The following CX3CR1 variants were observed in gnomAD, a reference collection of about 807,000 sequenced individuals.
CX3CR1 encodes the protein C-X3-C motif chemokine receptor 1, also known as CX3C chemokine receptor 1.
For missense variants in CX3CR1, 363 were observed against 432.4 expected, an observed-to-expected ratio of 0.84 and a Z score of 1.42; for synonymous variants, 168 against 178.5, an observed-to-expected ratio of 0.94 and a Z score of 0.47.
the CX3CR1 span, among the ~76,000 whole-genome samples, chr3:39,290,482 G>A: frequency 0.017 from 2,585 of 152,264 alleles, 67 homozygotes; most frequent in African/African-American, 0.058. Context: ...GGAATCCCAA[G>A]TGGTACAATC....
chr3:39,281,510 G>T (rs369388605), upstream of CX3CR1: 2 of 1,051,754 alleles, frequency 1.9e-6, no homozygotes, highest in South Asian at 1.4e-5. Context: ...AATCCCCTCC[G>T]TGTTCATGAG....
rs961823891 is a variant in CX3CR1 at position 39,265,255 on chromosome 3, A to G, written c.*187T>C. 1 of 582,040 alleles carries G rather than the reference A, an allele frequency of 1.7e-6. No individual in the cohort carries two copies. Among genetic ancestry groups the G allele is most frequent in the East Asian group, 2.8e-5 (1 of 35,230 alleles). 36.1% of individuals were successfully genotyped at this position (582,040 alleles called of 1,614,324 possible). On this transcript the variant is annotated 3_prime_UTR_variant, in exon 2 of 2. Transcript: ENST00000399220. ...AGAAATGTCTACTCTTTGTCATTCA[A>G]AGAGTTCAATTTGTTCATTCTTCAA...
In CX3CR1 at chr3:39,265,835, C is replaced by T; in HGVS notation, c.675G>A (p.Lys225=). Residue 225 remains lysine, a synonymous_variant, in exon 2 of 2, where the codon AAG becomes AAA. Transcript: ENST00000399220. Reference sequence around the variant, plus strand: ...GGATCAGTTTAATGGCTTTGGCTTTCTTGTGGTTCTTGCAGGAAAACAGCG... The same window carrying T: ...GGATCAGTTTAATGGCTTTGGCTTTTTTGTGGTTCTTGCAGGAAAACAGCG... The part of the protein sequence containing the change: ...IQTLFSCKNH[K]KAKAIKLILL... 1 of 1,614,214 alleles carries T rather than the reference C, an allele frequency of 6.2e-7. No individual in the cohort carries two copies. Among genetic ancestry groups the T allele is most frequent in the South Asian group, 1.1e-5 (1 of 91,090 alleles).
chr3:39,282,098 G>A (rs557651738), upstream of CX3CR1, among the ~76,000 whole-genome samples: 3 of 152,338 alleles, frequency 2.0e-5, no homozygotes, highest in East Asian at 3.9e-4. Flanking sequence ...GGCCCTGAGC[G>A]AGATGTCAGC....
rs1264793007 is a variant in CX3CR1, at chr3:39,266,123, C to T, written c.387G>A (p.Leu129=). 1.7e-5 allele frequency: 28 copies of T among 1,614,024 alleles called. No individual in the cohort carries two copies. Among genetic ancestry groups the T allele is most frequent in the Non-Finnish European group, 2.3e-5 (27 of 1,180,040 alleles). ...FITVISIDRY[L]AIVLAANSMN... ...TGGAGTTGGCGGCCAGGACGATGGC[C>T]AGGTACCTATCAATGCTGATGACGG... Residue 129 remains leucine (L), a synonymous_variant, in exon 2 of 2, where the codon CTG becomes CTA. Coordinates refer to ENST00000399220, the MANE Select transcript of CX3CR1 (RefSeq NM_001337.4).
chr3:39,275,508 A>G (rs1575210137), intron 1 of CX3CR1, among the ~76,000 whole-genome samples: 1 of 152,284 alleles, frequency 6.6e-6, no homozygotes, highest in East Asian at 1.9e-4. Context: ...TGCTGGCAAG[A>G]CCTCTTACTT....
chr3:39,272,625 G>A (rs991902191), intron 1 of CX3CR1, among the ~76,000 whole-genome samples: 2 of 152,144 alleles, frequency 1.3e-5, no homozygotes, highest in Non-Finnish European at 2.9e-5. Flanking sequence ...TAAATCCAGT[G>A]TATCTTCTGG....
chr3:39,285,212 GAAAAAAAAAA>G (rs4016656), upstream of CX3CR1, among the ~76,000 whole-genome samples: 6 of 115,658 alleles, frequency 5.2e-5, no homozygotes, highest in African/African-American at 1.3e-4. Context: ...CATTGGTACA[GAAAAAAAAAA>G]AAAAAAAAAA....
At chr3:39,270,517 T>C (rs796378413) in intron 1 of CX3CR1, among the ~76,000 whole-genome samples, 5 of 152,188 alleles carry the variant, frequency 3.3e-5, no homozygotes, top group Non-Finnish European at 5.9e-5. Flanking sequence ...AACAGGCAGA[T>C]CTGTATATTC....
upstream of CX3CR1, chr3:39,286,705 T>TG (rs1369682079): frequency 6.7e-6 from 1 of 149,714 alleles, no homozygotes; most frequent in Non-Finnish European, 1.5e-5. Flanking sequence ...CAAATGAAGT[T>TG]GGGGGGTGGG....
At chr3:39,277,897 G>A (rs56006499) in intron 1 of CX3CR1, among the ~76,000 whole-genome samples, 60 of 152,188 alleles carry the variant, frequency 3.9e-4, no homozygotes, top group African/African-American at 1.3e-3. Context: ...AACATATATC[G>A]TTTCTTGAGC....
chr3:39,281,503 C>G (rs1559371148), upstream of CX3CR1: 2 of 986,576 alleles, frequency 2.0e-6, no homozygotes. Flanking sequence ...CATCAGTAAT[C>G]CCCTCCGTGT....
chr3:39,281,096 T>C, upstream of CX3CR1: 2 of 994,702 alleles, frequency 2.0e-6, no homozygotes, highest in South Asian at 4.4e-5. Context: ...GCTCCCCACC[T>C]TGCCCCTCCT....
chr3:39,266,557 C>A (rs1434576754), intron 1 of CX3CR1, 39 bp from the exon 2 acceptor site: 6 of 1,603,166 alleles, frequency 3.7e-6, no homozygotes, highest in Non-Finnish European at 5.1e-6. Context: ...TGTTAGTTAT[C>A]AGAGAAACAA....
intron 1 of CX3CR1, among the ~76,000 whole-genome samples, chr3:39,266,917 G>T (rs1052899969): frequency 6.6e-6 from 1 of 152,026 alleles, no homozygotes; most frequent in African/African-American, 2.4e-5. Flanking sequence ...CCAAATAGCT[G>T]GGATTATAGG....
intron 1 of CX3CR1, among the ~76,000 whole-genome samples, chr3:39,269,168 C>T (rs1248746576): frequency 6.6e-6 from 1 of 151,342 alleles, no homozygotes; most frequent in African/African-American, 2.4e-5. Context: ...AAAAAAAGTT[C>T]TATATTTAAT....
At chr3:39,274,817 A>G (rs1399623344) in intron 1 of CX3CR1, among the ~76,000 whole-genome samples, 2 of 152,164 alleles carry the variant, frequency 1.3e-5, no homozygotes, top group Non-Finnish European at 2.9e-5. Flanking sequence ...ATAAGGACAG[A>G]GATCTCCTCA....
At chr3:39,286,495 CA>C (rs1210590273), upstream of CX3CR1, 1 of 151,418 alleles carries the variant, frequency 6.6e-6, no homozygotes, top group East Asian at 1.9e-4. Context: ...CTAAAAAATA[CA>C]AAAAATTAGC....
At chr3:39,287,868 A>T in the CX3CR1 span, 1 of 152,256 alleles carries the variant, frequency 6.6e-6, no homozygotes, top group Non-Finnish European at 1.5e-5. Flanking sequence ...ACATTCGGCA[A>T]CATGGCTATA....
Sources: allele counts gnomAD v4.1 joint callset (sites outside exome capture counted in the v4.1 genomes callset), GRCh38; gene constraint gnomAD v4.1.1; transcripts MANE v1.5; gene names NCBI Gene and HGNC (gene_info 2026-07-23, HGNC 2026-07-21).